The following CCDC102B variants were observed in gnomAD, a reference collection of about 807,000 sequenced individuals.
CCDC102B encodes coiled-coil domain-containing protein 102B.
In CCDC102B, 75 loss-of-function variants were observed where a neutral mutation model predicts 57.4. The ratio of observed to expected loss-of-function variants is 1.31; its 90% CI spans 1.08 to 1.58. CCDC102B has a LOEUF of 1.58. Ranked by LOEUF, CCDC102B falls within the 40% of genes most tolerant of loss-of-function variation. The pLI, the probability that CCDC102B is intolerant of heterozygous loss-of-function variation, is 0.00. For synonymous variants in CCDC102B, 206 were observed against 201.9 expected (o/e 1.02, Z -0.17); for missense variants, 636 against 582.6 (o/e 1.09, Z -0.94).
intron 6 of CCDC102B, among the ~76,000 whole-genome samples, chr18:68,984,172 A>AAAG (rs1413428731): frequency 6.6e-6 from 1 of 150,910 alleles, no homozygotes; most frequent in South Asian, 2.1e-4. Context: ...AAGATGCTCA[A>AAAG]AAGAAAAAAA....
At chr18:68,877,215 AAAG>A (rs1404482917) in intron 5 of CCDC102B, among the ~76,000 whole-genome samples, 2 of 152,200 alleles carry the variant, frequency 1.3e-5, no homozygotes, top group African/African-American at 4.8e-5. Context: ...TCTATTAGAT[AAAG>A]AAGAGCTCAA....
At chr18:68,821,485 C>T (rs2036687520) in intron 1 of CCDC102B, among the ~76,000 whole-genome samples, 1 of 151,346 alleles carries the variant, frequency 6.6e-6, no homozygotes, top group African/African-American at 2.4e-5. Flanking sequence ...TATTTAAATG[C>T]CACAGAGAGA....
chr18:68,966,324 C>A (rs2050165147), intron 6 of CCDC102B, among the ~76,000 whole-genome samples: 1 of 152,052 alleles, frequency 6.6e-6, no homozygotes, highest in South Asian at 2.1e-4. Context: ...AGTCTCCTTG[C>A]CATTTTAGTT....
At chr18:69,010,877 C>T in intron 6 of CCDC102B, 57 bp from the exon 7 acceptor site, 1 of 1,277,146 alleles carries the variant, frequency 7.8e-7, no homozygotes, top group South Asian at 2.0e-5. Context: ...AGTTGCCATT[C>T]TTCTGATTTT....
chr18:68,896,373 G>T (rs921868950), intron 5 of CCDC102B, among the ~76,000 whole-genome samples: 1 of 151,866 alleles, frequency 6.6e-6, no homozygotes, highest in Non-Finnish European at 1.5e-5. Context: ...TAGGCTTCTG[G>T]TCATTGATAG....
chr18:68,898,490 A>T (rs542646304), intron 6 of CCDC102B, among the ~76,000 whole-genome samples: 1 of 152,222 alleles, frequency 6.6e-6, no homozygotes, highest in African/African-American at 2.4e-5. Context: ...ATCCATAATA[A>T]TGTATTTGAT....
At chr18:68,828,893 GATC>G (rs1367206650) in intron 1 of CCDC102B, among the ~76,000 whole-genome samples, 2 of 151,706 alleles carry the variant, frequency 1.3e-5, no homozygotes, top group African/African-American at 4.8e-5. Flanking sequence ...TGCTTGACTT[GATC>G]ATCAAGACGT....
At chr18:68,789,406 A>G (rs574639941) in intron 2 of CCDC102B, among the ~76,000 whole-genome samples, 133 of 152,202 alleles carry the variant, frequency 8.7e-4, no homozygotes, top group Non-Finnish European at 1.6e-3. Flanking sequence ...GTTCTCCTGG[A>G]TAATATCCTG....
chr18:68,930,080 T>C (rs1207269209), intron 6 of CCDC102B, among the ~76,000 whole-genome samples: 3 of 151,580 alleles, frequency 2.0e-5, no homozygotes, highest in Non-Finnish European at 4.4e-5. Context: ...TTGATAATTA[T>C]ACGCACCTTG....
At chr18:68,757,677 T>A (rs1453634302) in intron 2 of CCDC102B, among the ~76,000 whole-genome samples, 2 of 152,188 alleles carry the variant, frequency 1.3e-5, no homozygotes, top group Admixed American at 6.5e-5. Context: ...TACATAGTAT[T>A]TAAGATTTTA....
At chr18:68,787,487 T>G (rs1451055020) in intron 2 of CCDC102B, among the ~76,000 whole-genome samples, 2 of 150,992 alleles carry the variant, frequency 1.3e-5, no homozygotes. Context: ...AAGCTATTGA[T>G]TATTGCCACA....
chr18:69,053,377 G>A (rs1156574789), intron 7 of CCDC102B, among the ~76,000 whole-genome samples: 6 of 150,718 alleles, frequency 4.0e-5, no homozygotes, highest in South Asian at 2.1e-4. Flanking sequence ...ATACATACAC[G>A]TGTATTTTGT....
intron 4 of CCDC102B, among the ~76,000 whole-genome samples, chr18:68,855,629 C>T (rs1371685043): frequency 2.0e-5 from 3 of 152,100 alleles, no homozygotes; most frequent in Non-Finnish European, 4.4e-5. Flanking sequence ...TCTTCTTTCT[C>T]TGTAGCCCCA....
At chr18:68,733,345 T>A (rs2032969636) in intron 2 of CCDC102B, among the ~76,000 whole-genome samples, 1 of 151,930 alleles carries the variant, frequency 6.6e-6, no homozygotes, top group Non-Finnish European at 1.5e-5. Flanking sequence ...TCTGTCAAAA[T>A]TACAAATACT....
chr18:68,853,729 G>A (rs1466066375), intron 4 of CCDC102B, among the ~76,000 whole-genome samples: 2 of 134,412 alleles, frequency 1.5e-5, no homozygotes, highest in Non-Finnish European at 3.1e-5. Flanking sequence ...CTTTATATAT[G>A]GTCCTCTGCA....
intron 1 of CCDC102B, among the ~76,000 whole-genome samples, chr18:68,823,709 C>A (rs2036788872): frequency 6.6e-6 from 1 of 152,184 alleles, no homozygotes. Flanking sequence ...TGCAGCCTCA[C>A]CAGCATCTGT....
At chr18:68,736,103 T>C (rs2033116855) in intron 2 of CCDC102B, among the ~76,000 whole-genome samples, 1 of 152,246 alleles carries the variant, frequency 6.6e-6, no homozygotes, top group Non-Finnish European at 1.5e-5. Context: ...GTATAATGGA[T>C]TAAATTATTT....
intron 2 of CCDC102B, among the ~76,000 whole-genome samples, chr18:68,791,264 G>A (rs1168163492): frequency 2.0e-5 from 3 of 152,094 alleles, no homozygotes; most frequent in African/African-American, 4.8e-5. Context: ...TTTTTGTTAA[G>A]TTGTAGACAC....
At chr18:69,034,711 A>AATT (rs1001561380) in intron 7 of CCDC102B, among the ~76,000 whole-genome samples, 8 of 151,390 alleles carry the variant, frequency 5.3e-5, no homozygotes, top group South Asian at 4.2e-4. Context: ...ATGCATATAT[A>AATT]ATTATTATTA....
Sources: gnomAD v4.1 joint callset for allele counts (sites outside exome capture counted in the v4.1 genomes callset) on GRCh38, gnomAD v4.1.1 for gene constraint, MANE v1.5 for transcripts, NCBI Gene and HGNC (gene_info 2026-07-23, HGNC 2026-07-21) for gene names.